Variants in RTP2 observed in about 807,000 individuals in gnomAD.
RTP2 encodes the protein receptor-transporting protein 2.
A neutral mutation model predicts 17.9 loss-of-function variants in RTP2; 12 were observed. The ratio of observed to expected loss-of-function variants is 0.67; its 90% CI spans 0.43 to 1.09. The LOEUF is 1.09. RTP2 is among the 50% of genes least tolerant of loss of function. The probability of loss-of-function intolerance (pLI) is 0.00; values close to 1 mark genes in which losing one functional copy is unlikely to be tolerated. For synonymous variants in RTP2, 126 were observed against 117.7 expected (o/e 1.07, Z -0.46); for missense variants, 327 against 295.7 (o/e 1.11, Z -0.78).
chr3:187,698,797 C>T (rs1287273869), exon 2 of RTP2: 11 of 1,613,608 alleles, frequency 6.8e-6, no homozygotes, highest in South Asian at 6.6e-5. Flanking sequence ...TAGCACTGCT[C>T]GCGCAGGCTG....
At chr3:187,714,017 A>G in the RTP2 span, among the ~76,000 whole-genome samples, 1 of 152,194 alleles carries the variant, frequency 6.6e-6, no homozygotes, top group Admixed American at 6.5e-5. Flanking sequence ...AGCAAGTCAG[A>G]AGGCAAATGG....
chr3:187,715,043 G>T, the RTP2 span, among the ~76,000 whole-genome samples: 3 of 147,694 alleles, frequency 2.0e-5, no homozygotes, highest in African/African-American at 8.0e-5. Context: ...TCAGGTTACA[G>T]GTTACAGGTT....
chr3:187,715,018 G>C, the RTP2 span, among the ~76,000 whole-genome samples: 1 of 152,048 alleles, frequency 6.6e-6, no homozygotes, highest in Non-Finnish European at 1.5e-5. Flanking sequence ...CTTGGTCCCT[G>C]GAGTGCAGGG....
chr3:187,698,502 A>G (rs1717745618), exon 2 of RTP2: 2 of 1,603,632 alleles, frequency 1.2e-6, no homozygotes, highest in South Asian at 2.2e-5. Context: ...GCTCCACTAA[A>G]AGAAGGCAGG....
chr3:187,702,974 G>A (rs1717892494), upstream of RTP2, among the ~76,000 whole-genome samples: 1 of 151,946 alleles, frequency 6.6e-6, no homozygotes, highest in South Asian at 2.1e-4. Context: ...CCAGGCTAAG[G>A]TGGCTGCTGG....
the RTP2 span, among the ~76,000 whole-genome samples, chr3:187,708,968 C>CT: frequency 2.9e-5 from 2 of 69,470 alleles, no homozygotes; most frequent in Non-Finnish European, 8.4e-5. Flanking sequence ...TTTTTTTTTT[C>CT]CTTTTTTTTT....
intron 1 of RTP2, among the ~76,000 whole-genome samples, chr3:187,701,504 T>C (rs1717845947): frequency 6.6e-6 from 1 of 152,194 alleles, no homozygotes; most frequent in Non-Finnish European, 1.5e-5. Flanking sequence ...AGCCAGTTCG[T>C]AGCACACAGC....
At chr3:187,698,471 G>T (rs767463466) in exon 2 of RTP2, 128 of 1,568,796 alleles carry the variant, frequency 8.2e-5, no homozygotes, top group Non-Finnish European at 1.0e-4. Context: ...AAGCCCATGT[G>T]CCCTCTCCCA....
chr3:187,701,866 A>G, intron 1 of RTP2, 99 bp downstream of exon 1: 1 of 1,113,650 alleles, frequency 9.0e-7, no homozygotes, highest in Non-Finnish European at 1.2e-6. Context: ...AGCTGACACC[A>G]GAATAAGCCC....
chr3:187,710,858 T>C, the RTP2 span, among the ~76,000 whole-genome samples: 1 of 152,172 alleles, frequency 6.6e-6, no homozygotes, highest in South Asian at 2.1e-4. Flanking sequence ...AAGCTCTTTA[T>C]GGGGAGTCAG....
chr3:187,698,527 A>G, exon 2 of RTP2: 3 of 1,612,920 alleles, frequency 1.9e-6, no homozygotes, highest in Non-Finnish European at 2.5e-6. Context: ...AGGAAGGAGA[A>G]CTGCAGGTAA....
chr3:187,703,225 A>G (rs1053747168), upstream of RTP2, among the ~76,000 whole-genome samples: 3 of 152,222 alleles, frequency 2.0e-5, no homozygotes, highest in African/African-American at 7.2e-5. Context: ...TCCAACTGTA[A>G]TCATCTTACG....
chr3:187,713,896 G>A, the RTP2 span, among the ~76,000 whole-genome samples: 1 of 152,144 alleles, frequency 6.6e-6, no homozygotes, highest in Admixed American at 6.5e-5. Flanking sequence ...ATTGGCCTTA[G>A]GTTCTCTGTC....
chr3:187,707,122 G>A (rs1480911643), upstream of RTP2, among the ~76,000 whole-genome samples: 1 of 152,236 alleles, frequency 6.6e-6, no homozygotes, highest in African/African-American at 2.4e-5. Flanking sequence ...TCTACACATG[G>A]CCTTTCTATG....
upstream of RTP2, among the ~76,000 whole-genome samples, chr3:187,706,590 G>A (rs910521116): frequency 3.3e-5 from 5 of 152,086 alleles, no homozygotes; most frequent in South Asian, 8.3e-4. Flanking sequence ...TTCATCTCAC[G>A]CAGAGTGAAT....
intron 1 of RTP2, 91 bp downstream of exon 1, chr3:187,701,874 C>CCTGCCT (rs1717857065): frequency 1.7e-6 from 2 of 1,156,078 alleles, no homozygotes; most frequent in Admixed American, 7.7e-5. Context: ...CCAGAATAAG[C>CCTGCCT]CCGCGACTGG....
At chr3:187,710,352 A>G in the RTP2 span, among the ~76,000 whole-genome samples, 3 of 143,312 alleles carry the variant, frequency 2.1e-5, no homozygotes, top group East Asian at 6.3e-4. Context: ...CGAATTCCTC[A>G]TAATAAATGT....
chr3:187,715,207 A>T, the RTP2 span, among the ~76,000 whole-genome samples: 24,466 of 151,986 alleles, frequency 0.16, 2,050 homozygotes, highest in South Asian at 0.25. Flanking sequence ...TTTGAAAGGG[A>T]CCTTAGAGTC....
intron 1 of RTP2, among the ~76,000 whole-genome samples, chr3:187,701,727 T>A (rs930462607): frequency 6.6e-6 from 1 of 152,204 alleles, no homozygotes; most frequent in Non-Finnish European, 1.5e-5. Context: ...CTTCATTTAA[T>A]GTGGACAACT....
Sources: allele counts gnomAD v4.1 joint callset (sites outside exome capture counted in the v4.1 genomes callset), GRCh38; gene constraint gnomAD v4.1.1; transcripts MANE v1.5; gene names NCBI Gene and HGNC (gene_info 2026-07-23, HGNC 2026-07-21).